STX3: variants seen among roughly 807,000 people sequenced by gnomAD.
STX3 encodes syntaxin 3.
Under a neutral mutation model 40.2 loss-of-function variants are expected in STX3, and 19 were observed. The ratio of observed to expected loss-of-function variants is 0.47; its 90% CI spans 0.33 to 0.69. The LOEUF (loss-of-function observed/expected upper bound fraction) is 0.69. Among genes scored for constraint, STX3 ranks in the 30% least tolerant of loss-of-function variants. The probability of loss-of-function intolerance (pLI) is 0.02; values close to 1 mark genes in which losing one functional copy is unlikely to be tolerated. For missense variants in STX3, 364 were observed against 366.7 expected, an observed-to-expected ratio of 0.99 and a Z score of 0.06; for synonymous variants, 122 against 132.2, an observed-to-expected ratio of 0.92 and a Z score of 0.53.
chr11:59,784,477 G>A (rs1204769398), intron 2 of STX3, among the ~76,000 whole-genome samples: 1 of 152,178 alleles, frequency 6.6e-6, no homozygotes, highest in Non-Finnish European at 1.5e-5. Flanking sequence ...CACCCCTAGA[G>A]TCTGTGAGTG....
At position 59,803,979 on chromosome 11, in the gene STX3, T is replaced by G. The variant is rs1165942642; in HGVS notation, c.*3155T>G. The G allele has an allele frequency of 6.5e-6, 1 of 152,896 alleles. No homozygotes were observed. Among genetic ancestry groups the G allele is most frequent in the African/African-American group, 2.4e-5 (1 of 41,378 alleles). 9.5% of individuals were successfully genotyped at this position (152,896 alleles called of 1,614,324 possible). ...AGAAACAGGGCACCAATCAACTACT[T>G]ATTAAGAATTATGCAAAGAATAAAC... On this transcript the variant is annotated 3_prime_UTR_variant, in exon 11 of 11. Coordinates refer to ENST00000337979, the MANE Select transcript of STX3 (RefSeq NM_004177.5).
At chr11:59,787,166 A>G (rs923544306) in intron 3 of STX3, 30 bp downstream of exon 3, 1 of 1,591,606 alleles carries the variant, frequency 6.3e-7, no homozygotes, top group Non-Finnish European at 8.6e-7. Flanking sequence ...TGAGTCATCC[A>G]ACAATCACCC....
At chr11:59,770,398 A>AGT (rs1334731305) in intron 1 of STX3, among the ~76,000 whole-genome samples, 2 of 148,250 alleles carry the variant, frequency 1.3e-5, no homozygotes, top group South Asian at 2.1e-4. Context: ...GTCTGTGAGG[A>AGT]GTGTGTGTGT....
chr11:59,796,651 C>T (rs990291874), intron 9 of STX3, among the ~76,000 whole-genome samples: 13 of 152,280 alleles, frequency 8.5e-5, no homozygotes, highest in Admixed American at 7.2e-4. Context: ...TGGAAAAAAT[C>T]AGTCAGTGAC....
rs991809897 is a variant in STX3, at chr11:59,755,572, C to T, written c.-34C>T. ...TCACCTGGGACGCGCTCACCTGGGACGCGCTACCTGCCTCCGGGCGCCTGG... is the reference window on the plus strand; with the variant it reads ...TCACCTGGGACGCGCTCACCTGGGATGCGCTACCTGCCTCCGGGCGCCTGG... On this transcript the variant is annotated 5_prime_UTR_variant, in exon 1 of 11. In the 5' UTR this introduces an upstream ATG that the reference lacks. Transcript: ENST00000337979. The T allele has an allele frequency of 1.9e-6, 3 of 1,592,448 alleles. No individual in the cohort carries two copies. Among genetic ancestry groups the T allele is most frequent in the African/African-American group, 2.7e-5 (2 of 74,004 alleles).
At chr11:59,776,642 G>T (rs1863980866) in intron 2 of STX3, among the ~76,000 whole-genome samples, 1 of 152,188 alleles carries the variant, frequency 6.6e-6, no homozygotes, top group South Asian at 2.1e-4. Flanking sequence ...GTCATCCTTG[G>T]TTATTTGCTG....
At chr11:59,798,183 AGT>A (rs1865636678) in intron 10 of STX3, among the ~76,000 whole-genome samples, 2 of 152,022 alleles carry the variant, frequency 1.3e-5, no homozygotes, top group African/African-American at 4.8e-5. Flanking sequence ...ATTTGTTAAA[AGT>A]GATAGACTTA....
chr11:59,780,658 T>C (rs3862660), intron 2 of STX3, among the ~76,000 whole-genome samples: 15,805 of 152,134 alleles, frequency 0.1, 1,153 homozygotes, highest in African/African-American at 0.2. Flanking sequence ...CATGGTCTGG[T>C]CCCCATCAGA....
chr11:59,764,053 C>T (rs1863168382), intron 1 of STX3, among the ~76,000 whole-genome samples: 2 of 151,956 alleles, frequency 1.3e-5, no homozygotes, highest in South Asian at 2.1e-4. Flanking sequence ...ATCACAAGAG[C>T]GGTAAATATC....
Position 59,790,535 on chromosome 11 carries a change from T to G in STX3, c.306T>G (p.Ile102Met). 6.2e-7 allele frequency: 1 copy of G among 1,614,020 alleles called. No homozygotes were observed. The highest frequency in any genetic ancestry group is 1.1e-5 in the South Asian group (1 of 91,080). The change falls in exon 5 of 11, where the codon ATT becomes ATG. Residue 102 changes from isoleucine to methionine, a missense_variant. Physicochemically the swap from Ile to Met is conservative, Grantham distance 10. Coordinates refer to ENST00000337979, the MANE Select transcript of STX3 (RefSeq NM_004177.5). ...RNKLKSMEKH[I>M]EEDEVRSSAD... The stretch of plus-strand genomic sequence containing the variant: ...CCTCTTTAGGCATGGAGAAGCATAT[T>G]GAAGAAGATGAGGTCAGGTCATCGG...
At chr11:59,765,792 A>G (rs746984487) in intron 1 of STX3, among the ~76,000 whole-genome samples, 1 of 152,082 alleles carries the variant, frequency 6.6e-6, no homozygotes, top group Non-Finnish European at 1.5e-5. Flanking sequence ...AGATAGAGCA[A>G]GACTCTGTCT....
rs1866054838 is a variant in STX3 at position 59,805,443 on chromosome 11, T to A, written c.*4619T>A. On this transcript the variant is annotated 3_prime_UTR_variant, in exon 11 of 11. Coordinates refer to ENST00000337979, the MANE Select transcript of STX3 (RefSeq NM_004177.5). ...TTTTTTAAGAAAGTGGGATTAAAAATATTTTGGTCAGTGCTGTTTTCTACC... is the reference window on the plus strand; with the variant it reads ...TTTTTTAAGAAAGTGGGATTAAAAAAATTTTGGTCAGTGCTGTTTTCTACC... 6.6e-6 allele frequency: 1 copy of A among 151,692 alleles called. No individual in the cohort carries two copies. The highest frequency in any genetic ancestry group is 2.4e-5 in the African/African-American group (1 of 41,048). 9.4% of individuals were successfully genotyped at this position (151,692 alleles called of 1,614,324 possible). A position where few individuals can be genotyped will look rare whatever the true frequency, so the allele number is the denominator to read the frequency against.
chr11:59,803,353 G>A lies in STX3; in HGVS notation c.*2529G>A, dbSNP rs1865969141. The A allele has an allele frequency of 8.7e-7, 1 of 1,151,674 alleles. No homozygotes were observed. The allele number at this position is 1,151,674 out of a possible 1,614,324, so 71.3% of individuals were successfully genotyped here. On this transcript the variant is annotated 3_prime_UTR_variant, in exon 11 of 11. Coordinates refer to ENST00000337979, the MANE Select transcript of STX3 (RefSeq NM_004177.5). ...CTTCTTTCACTGACTTGAAACCTTT[G>A]TGTCTTGGGGGCACTCTAGGTGCCT...
At chr11:59,761,459 C>T (rs370476970) in intron 1 of STX3, among the ~76,000 whole-genome samples, 8 of 152,154 alleles carry the variant, frequency 5.3e-5, no homozygotes, top group African/African-American at 1.7e-4. Context: ...GAGCACAGAC[C>T]ACATATGTCT....
chr11:59,786,935 G>C, intron 2 of STX3, 102 bp from the exon 3 acceptor site: 1 of 967,218 alleles, frequency 1.0e-6, no homozygotes, highest in Non-Finnish European at 1.6e-6. Context: ...CACAAACCCA[G>C]AAGATGGGCA....
chr11:59,771,668 AGAATGGTGTGTCCAGG>A (rs1320685893), intron 1 of STX3, among the ~76,000 whole-genome samples: 1 of 152,106 alleles, frequency 6.6e-6, no homozygotes, highest in African/African-American at 2.4e-5. Flanking sequence ...GTGATCTAAA[AGAATGGTGTGTCCAGG>A]GAATGGTGTG....
In STX3 at chr11:59,788,903, C is replaced by G. The variant is rs557862308; in HGVS notation, c.245C>G (p.Thr82Ser). The G allele has an allele frequency of 2.5e-6, 4 of 1,612,614 alleles. No individual in the cohort carries two copies. The South Asian group carries it at 4.4e-5, about 18-fold the overall frequency. Reference protein sequence around the residue: ...KTKDDLEQLTTEIKKRANNVR... With the variant: ...KTKDDLEQLTSEIKKRANNVR... ...AAGGATGACCTAGAGCAGCTCACGACTGAGATTAAGAAAAGGGCCAACAAC... is the reference window on the plus strand; with the variant it reads ...AAGGATGACCTAGAGCAGCTCACGAGTGAGATTAAGAAAAGGGCCAACAAC... The change falls in exon 4 of 11, where the codon ACT (threonine) becomes AGT (serine). Residue 82 changes from threonine to serine, a missense_variant. Physicochemically the swap from Thr to Ser is moderately conservative, Grantham distance 58. Coordinates refer to ENST00000337979, the MANE Select transcript of STX3 (RefSeq NM_004177.5).
At chr11:59,772,713 C>T (rs1212264246) in intron 1 of STX3, among the ~76,000 whole-genome samples, 15 of 152,046 alleles carry the variant, frequency 9.9e-5, no homozygotes, top group African/African-American at 3.6e-4. Flanking sequence ...CCTAACCTCC[C>T]TAAGTTTTAG....
Position 59,774,133 on chromosome 11 carries a change from A to G in STX3, c.114+839A>G, listed in dbSNP as rs999922174. Reference sequence around the variant, plus strand: ...TGTACTCTGATCTTAAAGGTCCTCAATGGGATGGTACTATGATAGGTAGGT... The same window carrying G: ...TGTACTCTGATCTTAAAGGTCCTCAGTGGGATGGTACTATGATAGGTAGGT... On this transcript the variant is annotated intron_variant, in intron 2 of 10. Transcript: ENST00000337979. Among the ~76,000 whole-genome samples the G allele has an allele frequency of 5.3e-5, 8 of 152,130 alleles. No individual in the cohort carries two copies. In the East Asian group the frequency reaches 9.6e-4, roughly 18 times the overall value.
Sources: allele counts gnomAD v4.1 joint callset (sites outside exome capture counted in the v4.1 genomes callset), GRCh38; gene constraint gnomAD v4.1.1; transcripts MANE v1.5; gene names NCBI Gene and HGNC (gene_info 2026-07-23, HGNC 2026-07-21).